The following YTHDF3 variants were observed in gnomAD, a reference collection of about 807,000 sequenced individuals.
The protein encoded by YTHDF3 is YTH domain-containing family protein 3.
Under a neutral mutation model 52.5 loss-of-function variants are expected in YTHDF3, and 9 were observed. That is an observed-to-expected ratio of 0.17 (90% CI 0.10 to 0.30). YTHDF3 has a LOEUF of 0.30. YTHDF3 is among the 10% of genes least tolerant of loss of function. YTHDF3 has a pLI of 1.00. For missense variants in YTHDF3, 534 were observed against 715.0 expected, an observed-to-expected ratio of 0.75 and a Z score of 2.89; for synonymous variants, 274 against 243.3, an observed-to-expected ratio of 1.13 and a Z score of -1.18.
intron 4 of YTHDF3, among the ~76,000 whole-genome samples, chr8:63,209,202 G>T (rs771752805): frequency 2.0e-5 from 3 of 152,070 alleles, no homozygotes; most frequent in African/African-American, 7.2e-5. Context: ...GTTATCTATC[G>T]TGTGCTGAAA....
intron 4 of YTHDF3, 26 bp downstream of exon 4, chr8:63,187,771 G>A (rs1808622231): frequency 6.4e-7 from 1 of 1,551,998 alleles, no homozygotes; most frequent in Non-Finnish European, 8.7e-7. Context: ...TTTTTTGTTT[G>A]GGGTCTTTGT....
intron 3 of YTHDF3, among the ~76,000 whole-genome samples, chr8:63,184,512 C>T (rs1298692066): frequency 6.6e-6 from 1 of 152,158 alleles, no homozygotes; most frequent in Admixed American, 6.5e-5. Context: ...GATGGGTATA[C>T]CACAGGTAAT....
At position 63,209,877 on chromosome 8, in the gene YTHDF3, T is replaced by G; in HGVS notation, c.*171T>G. 1.7e-6 allele frequency: 1 copy of G among 601,354 alleles called. No homozygotes were observed. The highest frequency in any genetic ancestry group is 2.8e-6 in the Non-Finnish European group (1 of 359,974). The allele number at this position is 601,354 out of a possible 1,614,324, so 37.3% of individuals were successfully genotyped here. A position where few individuals can be genotyped will look rare whatever the true frequency, so the allele number is the denominator to read the frequency against. ...ATGGTTTTCATCAGCGCATCTGCCC[T>G]TATACTCTTCACCAAACACACTTGA... On this transcript the variant is annotated 3_prime_UTR_variant, in exon 5 of 5. Coordinates refer to ENST00000539294, the MANE Select transcript of YTHDF3 (RefSeq NM_152758.6).
At chr8:63,204,276 C>T (rs187809161) in intron 4 of YTHDF3, among the ~76,000 whole-genome samples, 5 of 151,886 alleles carry the variant, frequency 3.3e-5, no homozygotes, top group South Asian at 2.1e-4. Flanking sequence ...AATGAGGCAG[C>T]GACCATTTCT....
At chr8:63,200,418 T>C (rs902893307) in intron 4 of YTHDF3, among the ~76,000 whole-genome samples, 11 of 151,222 alleles carry the variant, frequency 7.3e-5, no homozygotes, top group Non-Finnish European at 1.3e-4. Context: ...TCTTTTTCTT[T>C]TTTTTCTTTT....
At chr8:63,200,136 C>T (rs77402815) in intron 4 of YTHDF3, among the ~76,000 whole-genome samples, 5 of 152,164 alleles carry the variant, frequency 3.3e-5, no homozygotes, top group Non-Finnish European at 7.3e-5. Flanking sequence ...TCCAAACTCA[C>T]GGTTGTTGGC....
At chr8:63,189,725 G>A (rs1420739117) in intron 4 of YTHDF3, among the ~76,000 whole-genome samples, 2 of 152,160 alleles carry the variant, frequency 1.3e-5, no homozygotes, top group African/African-American at 4.8e-5. Flanking sequence ...AGATTCTCGA[G>A]ACCCATCCCT....
At position 63,180,474 on chromosome 8, in the gene YTHDF3, C is replaced by G. The variant is rs889663131; in HGVS notation, c.135+5058C>G. On this transcript the variant is annotated intron_variant, in intron 3 of 4. Coordinates refer to ENST00000539294, the MANE Select transcript of YTHDF3 (RefSeq NM_152758.6). ...ATGAGATGGCGGCCGGGCAGAGACG[C>G]TCCTCACTTTCCAGACTGGGCAGCC... Among the ~76,000 whole-genome samples, 11 of 151,370 alleles carry G rather than the reference C, an allele frequency of 7.3e-5. 1 individual carries two copies. The highest frequency in any genetic ancestry group is 6.6e-4 in the Admixed American group (10 of 15,204).
intron 4 of YTHDF3, among the ~76,000 whole-genome samples, 155 bp downstream of exon 4, chr8:63,187,900 A>G (rs560159021): frequency 6.6e-6 from 1 of 152,294 alleles, no homozygotes; most frequent in East Asian, 1.9e-4. Context: ...TGTGTCCTAT[A>G]TGAACCATTT....
At position 63,169,422 on chromosome 8, in the gene YTHDF3, ATT is replaced by A. The variant is rs745595473; in HGVS notation, c.49+21_49+22del. On this transcript the variant is annotated intron_variant, in intron 2 of 4. Coordinates refer to ENST00000539294, the MANE Select transcript of YTHDF3 (RefSeq NM_152758.6). ...GGCAAGGAAATAAAGGTGAGTTTGGATTTTTTTTTTTCTTATTGCTCAATGTT... is the reference window on the plus strand; with the variant it reads ...GGCAAGGAAATAAAGGTGAGTTTGGATTTTTTTTTCTTATTGCTCAATGTT... 3.1e-6 allele frequency: 4 copies of A among 1,307,860 alleles called. No individual in the cohort carries two copies. Among genetic ancestry groups the A allele is most frequent in the Non-Finnish European group, 3.1e-6 (3 of 957,894 alleles). 81.0% of individuals were successfully genotyped at this position (1,307,860 alleles called of 1,614,324 possible). A position where few individuals can be genotyped will look rare whatever the true frequency, so the allele number is the denominator to read the frequency against.
At chr8:63,207,276 G>T (rs925321751) in intron 4 of YTHDF3, among the ~76,000 whole-genome samples, 1 of 152,010 alleles carries the variant, frequency 6.6e-6, no homozygotes, top group Non-Finnish European at 1.5e-5. Context: ...TTGTGTTATT[G>T]TATGTCTCTA....
At chr8:63,184,206 A>C (rs1298098271) in intron 3 of YTHDF3, among the ~76,000 whole-genome samples, 1 of 152,236 alleles carries the variant, frequency 6.6e-6, no homozygotes, top group Non-Finnish European at 1.5e-5. Flanking sequence ...ACAAATAAAA[A>C]ACCAACATAG....
rs1227379860 is a variant in YTHDF3 at position 63,175,428 on chromosome 8, G to C, written c.135+12G>C. 1 of 1,596,448 alleles carries C rather than the reference G, an allele frequency of 6.3e-7. No homozygotes were observed. Among genetic ancestry groups the C allele is most frequent in the East Asian group, 2.2e-5 (1 of 44,556 alleles). On this transcript the variant is annotated intron_variant, in intron 3 of 4. Transcript: ENST00000539294. ...GCCAGACAAATCAGGTAAGTCTTCT[G>C]ACAGTTTCAGATTTTAGGAAATTAA...
chr8:63,187,389 C>T lies in YTHDF3; in HGVS notation c.1378C>T (p.Pro460Ser). 6.2e-7 allele frequency: 1 copy of T among 1,613,888 alleles called. No homozygotes were observed. The highest frequency in any genetic ancestry group is 8.5e-7 in the Non-Finnish European group (1 of 1,179,874). Residue 460 changes from proline (P) to serine (S), a missense_variant, in exon 4 of 5, where the codon CCA (proline) becomes TCA (serine). By Grantham distance (74) the Pro-to-Ser change is moderately conservative. Transcript: ENST00000539294. ...AAYRSLNGKG[P>S]LYLLFSVNGS... ...TTACCGTTCCCTGAATGGGAAAGGCCCACTCTATTTACTCTTCAGTGTGAA... is the reference window on the plus strand; with the variant it reads ...TTACCGTTCCCTGAATGGGAAAGGCTCACTCTATTTACTCTTCAGTGTGAA...
intron 3 of YTHDF3, among the ~76,000 whole-genome samples, chr8:63,177,234 G>C (rs1011629403): frequency 3.9e-5 from 6 of 152,196 alleles, no homozygotes; most frequent in African/African-American, 1.4e-4. Flanking sequence ...TTCCCAATTT[G>C]TGGGATGCAG....
intron 4 of YTHDF3, among the ~76,000 whole-genome samples, chr8:63,198,605 A>T (rs1223952870): frequency 6.6e-6 from 1 of 152,094 alleles, no homozygotes; most frequent in Non-Finnish European, 1.5e-5. Context: ...TTAGTGCCTG[A>T]TACATTTTTT....
chr8:63,183,715 A>G (rs1808311138), intron 3 of YTHDF3, among the ~76,000 whole-genome samples: 1 of 152,208 alleles, frequency 6.6e-6, no homozygotes, highest in Admixed American at 6.5e-5. Flanking sequence ...CAGTTAGTAA[A>G]TAGTAACTCC....
chr8:63,188,701 A>ATATATATATATTTTTTTT (rs1355614739), intron 4 of YTHDF3: 1 of 61,444 alleles, frequency 1.6e-5, no homozygotes, highest in African/African-American at 8.6e-5. Flanking sequence ...ATATATATAT[A>ATATATATATATTTTTTTT]TTTTTTTTTT....
At chr8:63,190,450 C>T (rs901968584) in intron 4 of YTHDF3, among the ~76,000 whole-genome samples, 2 of 152,028 alleles carry the variant, frequency 1.3e-5, no homozygotes, top group Admixed American at 6.6e-5. Flanking sequence ...GCCATATACA[C>T]AACAGTGATT....
Sources: allele counts gnomAD v4.1 joint callset (sites outside exome capture counted in the v4.1 genomes callset), GRCh38; gene constraint gnomAD v4.1.1; transcripts MANE v1.5; gene names NCBI Gene and HGNC (gene_info 2026-07-23, HGNC 2026-07-21).